GRID2: variants seen among roughly 807,000 people sequenced by gnomAD.
The protein encoded by GRID2 is glutamate receptor ionotropic, delta-2.
A neutral mutation model predicts 114.8 loss-of-function variants in GRID2; 33 were observed. That is an observed-to-expected ratio of 0.29 (90% CI 0.22 to 0.38). The LOEUF (loss-of-function observed/expected upper bound fraction) is 0.38, where lower values mean the gene tolerates loss of function less well. GRID2 is among the 10% of genes least tolerant of loss of function. The pLI is 1.00. For missense variants in GRID2, 1,184 were observed against 1,257.7 expected (o/e 0.94, Z 0.89); for synonymous variants, 505 against 449.9 (o/e 1.12, Z -1.55).
chr4:93,793,983 T>C (rs1014149669), intron 1 of GRID2, among the ~76,000 whole-genome samples: 6 of 152,080 alleles, frequency 3.9e-5, no homozygotes, highest in Non-Finnish European at 7.3e-5. Flanking sequence ...AATGTGGAAT[T>C]GTCTTAAAAA....
intron 2 of GRID2, among the ~76,000 whole-genome samples, chr4:92,879,854 T>A (rs990998112): frequency 2.0e-5 from 3 of 152,260 alleles, no homozygotes; most frequent in African/African-American, 7.2e-5. Flanking sequence ...AAGTCAAGTA[T>A]GCAACTGTTC....
chr4:92,798,916 T>A (rs1035653059), intron 2 of GRID2, among the ~76,000 whole-genome samples: 1 of 151,986 alleles, frequency 6.6e-6, no homozygotes, highest in African/African-American at 2.4e-5. Context: ...ATTATGTAAG[T>A]GTATTGGGTT....
At chr4:92,415,704 G>A (rs954893708) in intron 1 of GRID2, among the ~76,000 whole-genome samples, 1 of 139,038 alleles carries the variant, frequency 7.2e-6, no homozygotes, top group Non-Finnish European at 1.5e-5. Context: ...GTGTGCATGC[G>A]CATGTATGTG....
chr4:93,613,181 C>G (rs1339812811), intron 13 of GRID2, among the ~76,000 whole-genome samples: 7 of 149,374 alleles, frequency 4.7e-5, no homozygotes, highest in African/African-American at 1.7e-4. Flanking sequence ...TTAAACACTT[C>G]TCTGTATTGG....
intron 3 of GRID2, among the ~76,000 whole-genome samples, chr4:93,107,964 A>G (rs1231595643): frequency 1.3e-5 from 2 of 152,106 alleles, no homozygotes; most frequent in Admixed American, 1.3e-4. Flanking sequence ...ACAGAGATCT[A>G]CATAACCTGA....
intron 1 of GRID2, among the ~76,000 whole-genome samples, chr4:92,315,378 G>A (rs978052175): frequency 2.0e-5 from 3 of 152,078 alleles, no homozygotes; most frequent in African/African-American, 7.2e-5. Context: ...GAATAGCAAT[G>A]ACTCACAAAA....
chr4:92,448,393 C>T (rs993586968), intron 1 of GRID2, among the ~76,000 whole-genome samples: 2 of 152,074 alleles, frequency 1.3e-5, no homozygotes, highest in African/African-American at 4.8e-5. Context: ...TCTTGAACTC[C>T]TAACCTCAAG....
intron 12 of GRID2, among the ~76,000 whole-genome samples, chr4:93,492,511 G>T (rs75807389): frequency 9.9e-5 from 15 of 151,852 alleles, no homozygotes; most frequent in Admixed American, 6.6e-4. Flanking sequence ...GAAGAAACTC[G>T]TCATAGCATT....
At chr4:92,774,756 A>AGGC (rs1176480127) in intron 2 of GRID2, among the ~76,000 whole-genome samples, 1 of 151,310 alleles carries the variant, frequency 6.6e-6, no homozygotes, top group African/African-American at 2.4e-5. Flanking sequence ...CCACCATGCA[A>AGGC]GGCTAATTTG....
At chr4:92,960,003 A>G (rs918193026) in intron 2 of GRID2, among the ~76,000 whole-genome samples, 1 of 151,980 alleles carries the variant, frequency 6.6e-6, no homozygotes, top group African/African-American at 2.4e-5. Flanking sequence ...TTAAAGTATA[A>G]TTTAAAAAAA....
At chr4:93,447,037 T>G (rs1261629951) in intron 10 of GRID2, among the ~76,000 whole-genome samples, 1 of 151,802 alleles carries the variant, frequency 6.6e-6, no homozygotes, top group Non-Finnish European at 1.5e-5. Context: ...ACAATAAAAT[T>G]AAGATGAATA....
rs200724905 is a variant in GRID2, at chr4:93,553,302, AC to A, written c.2193+37893del. On this transcript the variant is annotated intron_variant, in intron 13 of 15. Transcript: ENST00000282020. ...CCTCTCCAGCATCTGTGGTTTCCTG[AC>A]CTTTTAAGGATTGCCATTCTAACTG... is the stretch of plus-strand genomic sequence containing the variant. 6.2e-4 allele frequency among the ~76,000 whole-genome samples: 94 copies of A among 152,276 alleles called. 1 individual carries two copies. The East Asian group carries it at 0.017, about 27-fold the overall frequency.
chr4:92,515,950 T>C (rs1724482153), intron 1 of GRID2, among the ~76,000 whole-genome samples: 1 of 151,952 alleles, frequency 6.6e-6, no homozygotes, highest in Non-Finnish European at 1.5e-5. Context: ...GTCAGGCTCA[T>C]ATGGAGAGTC....
intron 13 of GRID2, among the ~76,000 whole-genome samples, chr4:93,555,668 T>C (rs1734246428): frequency 6.6e-6 from 1 of 152,158 alleles, no homozygotes; most frequent in Non-Finnish European, 1.5e-5. Context: ...AAGGGGCGGC[T>C]GTGAAGTCAG....
intron 2 of GRID2, among the ~76,000 whole-genome samples, chr4:93,046,409 G>A (rs1035693745): frequency 2.0e-5 from 3 of 152,070 alleles, no homozygotes; most frequent in Admixed American, 6.6e-5. Flanking sequence ...GAAAAATAGT[G>A]TAAGATTTCA....
At chr4:93,695,320 G>A (rs932298035) in intron 14 of GRID2, among the ~76,000 whole-genome samples, 1 of 152,092 alleles carries the variant, frequency 6.6e-6, no homozygotes, top group African/African-American at 2.4e-5. Context: ...CTCATTTATT[G>A]TAGGACTGGG....
At chr4:93,306,930 G>T (rs1377333580) in intron 8 of GRID2, among the ~76,000 whole-genome samples, 1 of 152,124 alleles carries the variant, frequency 6.6e-6, no homozygotes, top group Non-Finnish European at 1.5e-5. Flanking sequence ...AGGCGCGGTG[G>T]CTCACGCCTG....
At chr4:92,892,399 T>A (rs1380187709) in intron 2 of GRID2, among the ~76,000 whole-genome samples, 1 of 152,022 alleles carries the variant, frequency 6.6e-6, no homozygotes, top group Non-Finnish European at 1.5e-5. Context: ...TCTTCATTGT[T>A]AAAAAAAATT....
At chr4:92,887,322 C>G (rs1378913) in intron 2 of GRID2, among the ~76,000 whole-genome samples, 95,404 of 152,074 alleles carry the variant, frequency 0.63, 31,439 homozygotes, top group African/African-American at 0.82. Flanking sequence ...TGCCTGGTGA[C>G]TAGAAAAGCA....
Sources: allele counts gnomAD v4.1 joint callset (sites outside exome capture counted in the v4.1 genomes callset), GRCh38; gene constraint gnomAD v4.1.1; transcripts MANE v1.5; gene names NCBI Gene and HGNC (gene_info 2026-07-23, HGNC 2026-07-21).